The following FBXL7 variants were observed in gnomAD, a reference collection of about 807,000 sequenced individuals.
FBXL7 encodes the protein F-box and leucine rich repeat protein 7, also known as F-box/LRR-repeat protein 7.
In FBXL7, 12 loss-of-function variants were observed where a neutral mutation model predicts 38.3. The observed-to-expected ratio is 0.31, with a 90% CI of 0.20 to 0.51. The LOEUF is 0.51. Among genes scored for constraint, FBXL7 ranks in the 20% least tolerant of loss-of-function variants. FBXL7 has a pLI of 0.98. For missense variants in FBXL7, 567 were observed against 676.4 expected (o/e 0.84, Z 1.79); for synonymous variants, 297 against 300.9 (o/e 0.99, Z 0.13).
intron 2 of FBXL7, among the ~76,000 whole-genome samples, chr5:15,832,899 C>T (rs373501038): frequency 7.6e-4 from 115 of 152,124 alleles, no homozygotes; most frequent in African/African-American, 2.6e-3. Context: ...GGAAAGGACC[C>T]GGTGGGAGGT....
At chr5:15,815,918 A>C (rs990302934) in intron 2 of FBXL7, among the ~76,000 whole-genome samples, 1 of 152,298 alleles carries the variant, frequency 6.6e-6, no homozygotes, top group South Asian at 2.1e-4. Flanking sequence ...TATATGTGAA[A>C]CGTGCTGCAG....
At chr5:15,733,877 G>A (rs1735676898) in intron 2 of FBXL7, among the ~76,000 whole-genome samples, 1 of 152,182 alleles carries the variant, frequency 6.6e-6, no homozygotes, top group Admixed American at 6.5e-5. Flanking sequence ...GGGAGGCCGA[G>A]GCAGGCGGTT....
intron 2 of FBXL7, among the ~76,000 whole-genome samples, chr5:15,905,823 T>C (rs1579590989): frequency 6.6e-6 from 1 of 151,932 alleles, no homozygotes. Context: ...AGAGGATAGG[T>C]CATAATTAAT....
Position 15,704,042 on chromosome 5 carries a change from C to T in FBXL7, c.127+87970C>T, listed in dbSNP as rs1018472163. 3.9e-5 allele frequency among the ~76,000 whole-genome samples: 6 copies of T among 152,158 alleles called. 1 individual carries two copies. Among genetic ancestry groups the T allele is most frequent in the African/African-American group, 9.7e-5 (4 of 41,422 alleles). On this transcript the variant is annotated intron_variant, in intron 2 of 3. Transcript: ENST00000504595. The stretch of plus-strand genomic sequence containing the variant: ...GACTGACTCTTCCCTGTTCTCTGTC[C>T]TCCAGTGGCCTGGGTTTCTGCTCAT...
intron 1 of FBXL7, among the ~76,000 whole-genome samples, chr5:15,613,406 GC>G (rs1287595278): frequency 6.6e-6 from 1 of 152,172 alleles, no homozygotes; most frequent in Non-Finnish European, 1.5e-5. Flanking sequence ...CAGATAAATG[GC>G]CACAGCTGCC....
At chr5:15,568,687 T>G (rs1580376045) in intron 1 of FBXL7, among the ~76,000 whole-genome samples, 1 of 151,520 alleles carries the variant, frequency 6.6e-6, no homozygotes, top group African/African-American at 2.4e-5. Context: ...TGAATGGTAT[T>G]GCCTAGGTTT....
rs139576810 is a variant in FBXL7 at position 15,601,709 on chromosome 5, G to A, written c.38-14274G>A. On this transcript the variant is annotated intron_variant, in intron 1 of 3. Coordinates refer to ENST00000504595, the MANE Select transcript of FBXL7 (RefSeq NM_012304.5). ...ACTTGCTCATCTTTATTTTCCACCC[G>A]TAATAATACTGCCATTCAATGAAAC... Among the ~76,000 whole-genome samples the A allele has an allele frequency of 9.9e-3, 1,505 of 152,170 alleles. 14 individuals are homozygous for A. Among genetic ancestry groups the A allele is most frequent in the Non-Finnish European group, 0.016 (1,094 of 68,012 alleles).
chr5:15,931,704 A>G (rs1012402504), intron 3 of FBXL7, among the ~76,000 whole-genome samples: 1 of 152,176 alleles, frequency 6.6e-6, no homozygotes, highest in South Asian at 2.1e-4. Flanking sequence ...GCATACACGC[A>G]ATGCTCCCTT....
At chr5:15,638,514 T>C (rs1010903712) in intron 2 of FBXL7, among the ~76,000 whole-genome samples, 2 of 152,018 alleles carry the variant, frequency 1.3e-5, no homozygotes, top group Non-Finnish European at 2.9e-5. Context: ...TGGATGCAAA[T>C]TGAGGTTTGA....
chr5:15,845,398 T>G (rs921856948), intron 2 of FBXL7, among the ~76,000 whole-genome samples: 13 of 151,888 alleles, frequency 8.6e-5, no homozygotes, highest in African/African-American at 3.1e-4. Flanking sequence ...AGGTTATAGT[T>G]CCCCTTTACA....
At chr5:15,697,348 CAG>C (rs1370192861) in intron 2 of FBXL7, among the ~76,000 whole-genome samples, 3 of 152,042 alleles carry the variant, frequency 2.0e-5, no homozygotes, top group Non-Finnish European at 4.4e-5. Flanking sequence ...TGGTGGAAGA[CAG>C]AGACTCATAT....
At chr5:15,664,142 G>T (rs559168621) in intron 2 of FBXL7, among the ~76,000 whole-genome samples, 1 of 151,522 alleles carries the variant, frequency 6.6e-6, no homozygotes, top group South Asian at 2.1e-4. Flanking sequence ...TTTATATTGG[G>T]GTTTCTCTAA....
At chr5:15,659,521 T>C (rs1466389774) in intron 2 of FBXL7, among the ~76,000 whole-genome samples, 1 of 152,210 alleles carries the variant, frequency 6.6e-6, no homozygotes, top group East Asian at 1.9e-4. Context: ...TTAGTTTCAT[T>C]CATAAGGACT....
At position 15,928,055 on chromosome 5, in the gene FBXL7, A is replaced by ACCCCCCCCCCCCCCCCCC; in HGVS notation, c.296_297insCCCCCCCCCCCCCCCCCC (p.Pro99_Leu100insProProProProProPro). ...TCCCCGCCCCCGACCCGCCTCACACACCCGCTCATCCGGCTCGCCTCCAGA... is the reference window on the plus strand; with the variant it reads ...TCCCCGCCCCCGACCCGCCTCACACACCCCCCCCCCCCCCCCCCCCCGCTCATCCGGCTCGCCTCCAGA... On this transcript the variant is annotated inframe_insertion, in exon 3 of 4. Transcript: ENST00000504595. This position sits in a 1 kb window ranked among gnomAD's most constrained non-coding sequence, Gnocchi z 4.0. The ACCCCCCCCCCCCCCCCCC allele has an allele frequency of 1.4e-6, 1 of 738,482 alleles. No individual in the cohort carries two copies. Among genetic ancestry groups the ACCCCCCCCCCCCCCCCCC allele is most frequent in the Non-Finnish European group, 1.9e-6 (1 of 521,822 alleles). 45.7% of individuals were successfully genotyped at this position (738,482 alleles called of 1,614,324 possible).
In FBXL7 at chr5:15,650,119, T is replaced by C. The variant is rs544568219; in HGVS notation, c.127+34047T>C. 4.6e-5 allele frequency among the ~76,000 whole-genome samples: 7 copies of C among 152,338 alleles called. No homozygotes were observed. The East Asian group carries it at 1.2e-3, about 25-fold the overall frequency. ...TTTCTGGAGTATAAAGGATTTTAAC[T>C]GAGCCACAGACCAACATCTCAACCT... On this transcript the variant is annotated intron_variant, in intron 2 of 3. Coordinates refer to ENST00000504595, the MANE Select transcript of FBXL7 (RefSeq NM_012304.5).
At chr5:15,739,915 T>C (rs1735852030) in intron 2 of FBXL7, among the ~76,000 whole-genome samples, 1 of 152,010 alleles carries the variant, frequency 6.6e-6, no homozygotes, top group Admixed American at 6.6e-5. Context: ...TACCTAGGAG[T>C]GCTGGGTTGT....
chr5:15,737,366 A>G (rs1027810793), intron 2 of FBXL7, among the ~76,000 whole-genome samples: 1 of 152,188 alleles, frequency 6.6e-6, no homozygotes, highest in Non-Finnish European at 1.5e-5. Context: ...ATTTTCATGA[A>G]CAAGTGACTT....
At chr5:15,882,999 T>TGC (rs1740523169) in intron 2 of FBXL7, among the ~76,000 whole-genome samples, 2 of 152,326 alleles carry the variant, frequency 1.3e-5, no homozygotes, top group African/African-American at 4.8e-5. Context: ...GGACCCAGCT[T>TGC]GCTCTGTCTT....
intron 2 of FBXL7, among the ~76,000 whole-genome samples, chr5:15,818,566 T>C (rs1199430155): frequency 6.6e-6 from 1 of 152,210 alleles, no homozygotes; most frequent in Non-Finnish European, 1.5e-5. Context: ...AAAATATGTT[T>C]CTTATTTCTT....
Sources: gnomAD v4.1 joint callset for allele counts (sites outside exome capture counted in the v4.1 genomes callset) on GRCh38, gnomAD v4.1.1 for gene constraint, Gnocchi (gnomAD v3.1) non-coding constraint, MANE v1.5 for transcripts, NCBI Gene and HGNC (gene_info 2026-07-23, HGNC 2026-07-21) for gene names.